Variants in GRM5 observed in about 807,000 individuals in gnomAD.
The protein encoded by GRM5 is metabotropic glutamate receptor 5.
A neutral mutation model predicts 83.1 loss-of-function variants in GRM5; 19 were observed. The observed-to-expected ratio is 0.23, with a 90% CI of 0.16 to 0.34. The LOEUF is 0.34. Among genes scored for constraint, GRM5 ranks in the 10% least tolerant of loss-of-function variants. The pLI, the probability that GRM5 is intolerant of heterozygous loss-of-function variation, is 1.00. For synonymous variants in GRM5, 675 were observed against 633.6 expected (o/e 1.07, Z -0.98); for missense variants, 1,160 against 1,588.3 (o/e 0.73, Z 4.58).
At chr11:88,925,812 G>A in intron 2 of GRM5, 1 of 448,838 alleles carries the variant, frequency 2.2e-6, no homozygotes. Flanking sequence ...TGGAGGCTGA[G>A]GCATGAGAAT....
chr11:88,799,257 T>C (rs1169127794), intron 3 of GRM5, among the ~76,000 whole-genome samples: 1 of 152,136 alleles, frequency 6.6e-6, no homozygotes, highest in Non-Finnish European at 1.5e-5. Context: ...CTAAATAACT[T>C]ACAGCAGAAC....
At chr11:88,527,083 G>T (rs1941896870) in intron 8 of GRM5, among the ~76,000 whole-genome samples, 1 of 152,144 alleles carries the variant, frequency 6.6e-6, no homozygotes, top group Non-Finnish European at 1.5e-5. Flanking sequence ...AAATACCTTA[G>T]AAGTACCAAT....
rs370345715 is a variant in GRM5, at chr11:88,728,680, TCAAGTCGGCTTCATC to T, written c.912-75292_912-75278del. The stretch of plus-strand genomic sequence containing the variant: ...ACATCAAAAAGCTTATCCACCAGTA[TCAAGTCGGCTTCATC>T]CCTGGGATGCAAGGCTGGTTCAACA... On this transcript the variant is annotated intron_variant, in intron 3 of 9. Coordinates refer to ENST00000305447, the MANE Select transcript of GRM5 (RefSeq NM_001143831.3). Among the ~76,000 whole-genome samples, 131 of 152,252 alleles carry T rather than the reference TCAAGTCGGCTTCATC, an allele frequency of 8.6e-4. No homozygotes were observed. In the Middle Eastern group the frequency reaches 0.014, roughly 16 times the overall value.
chr11:88,959,292 C>T (rs1590997782), intron 2 of GRM5, among the ~76,000 whole-genome samples: 1 of 151,990 alleles, frequency 6.6e-6, no homozygotes, highest in Non-Finnish European at 1.5e-5. Context: ...ACTGTGATGT[C>T]ATGTTGAAAT....
intron 2 of GRM5, among the ~76,000 whole-genome samples, chr11:88,860,050 G>A (rs937856363): frequency 1.1e-4 from 16 of 152,114 alleles, no homozygotes; most frequent in Admixed American, 1.1e-3. Flanking sequence ...TTGCTGAAGA[G>A]GGAGAAACTT....
intron 2 of GRM5, among the ~76,000 whole-genome samples, chr11:88,978,474 TAAAAAAAAAAAAAAAAAAAAAAAAAAAA>T (rs200343438): frequency 2.0e-5 from 2 of 97,986 alleles, no homozygotes; most frequent in African/African-American, 7.4e-5. Context: ...CAGATGAGCT[TAAAAAAAAAAAAAAAAAAAAAAAAAAAA>T]AAAAAAAAAA....
Position 89,048,085 on chromosome 11 carries a change from A to C in GRM5, c.-200-13T>G. 1 of 533,846 alleles carries C rather than the reference A, an allele frequency of 1.9e-6. No homozygotes were observed. The highest frequency in any genetic ancestry group is 2.6e-5 in the South Asian group (1 of 37,744). The allele number at this position is 533,846 out of a possible 1,614,324, so 33.1% of individuals were successfully genotyped here. A position where few individuals can be genotyped will look rare whatever the true frequency, so the allele number is the denominator to read the frequency against. On this transcript the variant is annotated splice_polypyrimidine_tract_variant and intron_variant, in intron 1 of 9. Transcript: ENST00000305447. The stretch of plus-strand genomic sequence containing the variant: ...TGATCTTCTAAACCTGAAAAAAAAA[A>C]AATAACATGGGTCTTTAACAAACAT...
At chr11:88,535,460 A>T (rs546597849) in intron 8 of GRM5, among the ~76,000 whole-genome samples, 1 of 152,194 alleles carries the variant, frequency 6.6e-6, no homozygotes, top group Non-Finnish European at 1.5e-5. Flanking sequence ...ACATTTCAAA[A>T]ACTGTGGTCC....
intron 3 of GRM5, among the ~76,000 whole-genome samples, chr11:88,731,298 A>AT (rs1186164876): frequency 1.3e-5 from 2 of 152,074 alleles, no homozygotes; most frequent in African/African-American, 4.8e-5. Context: ...CACAGGCATC[A>AT]TGCTGTTTTG....
chr11:88,707,592 G>C (rs1941192248), intron 3 of GRM5, among the ~76,000 whole-genome samples: 1 of 152,080 alleles, frequency 6.6e-6, no homozygotes, highest in African/African-American at 2.4e-5. Context: ...ATGTGTGTAG[G>C]TTATATGCAA....
intron 2 of GRM5, among the ~76,000 whole-genome samples, chr11:88,989,763 T>C (rs945540040): frequency 8.9e-5 from 13 of 146,026 alleles, no homozygotes; most frequent in Admixed American, 4.8e-4. Flanking sequence ...GAATGACTAC[T>C]GGGTACATAA....
intron 2 of GRM5, among the ~76,000 whole-genome samples, chr11:88,882,322 C>A (rs376764451): frequency 6.7e-6 from 1 of 150,146 alleles, no homozygotes; most frequent in Non-Finnish European, 1.5e-5. Flanking sequence ...GAGGCCAAGG[C>A]GGGTAGATCA....
chr11:88,854,367 A>G (rs1180825080), intron 2 of GRM5, among the ~76,000 whole-genome samples: 3 of 151,938 alleles, frequency 2.0e-5, no homozygotes, highest in Admixed American at 6.6e-5. Flanking sequence ...ATTTCACTTA[A>G]AACATGAACA....
intron 2 of GRM5, among the ~76,000 whole-genome samples, chr11:88,905,406 C>T (rs1323932950): frequency 6.6e-6 from 1 of 152,074 alleles, no homozygotes; most frequent in Non-Finnish European, 1.5e-5. Flanking sequence ...TGCAGTGGTG[C>T]AATTTCAGCT....
intron 2 of GRM5, among the ~76,000 whole-genome samples, chr11:88,865,256 C>G (rs547805316): frequency 6.6e-6 from 1 of 152,190 alleles, no homozygotes; most frequent in Admixed American, 6.5e-5. Flanking sequence ...AATAACACCA[C>G]AAATCTGCAA....
chr11:88,567,793 T>C lies in GRM5; in HGVS notation c.1890A>G (p.Leu630=). The C allele has an allele frequency of 6.2e-7, 1 of 1,614,086 alleles. No homozygotes were observed. Among genetic ancestry groups the C allele is most frequent in the Non-Finnish European group, 8.5e-7 (1 of 1,179,944 alleles). The part of the protein sequence containing the change: ...IILAGICLGY[L]CTFCLIAKPK... ...GCTTCGCAATGAGGCAGAAGGTACA[T>C]AAGTAGCCCAGGCAGATGCCAGCAA... is the stretch of plus-strand genomic sequence containing the variant. Residue 630 remains leucine (L), a synonymous_variant, in exon 8 of 10, where the codon TTA becomes TTG. Transcript: ENST00000305447. The surrounding 1 kb of genome is among the most constrained non-coding windows in gnomAD (Gnocchi z 7.3).
chr11:88,916,175 TAAGA>T (rs1488856947), intron 2 of GRM5, among the ~76,000 whole-genome samples: 1 of 152,146 alleles, frequency 6.6e-6, no homozygotes, highest in African/African-American at 2.4e-5. Context: ...ACTGTCTACA[TAAGA>T]AAGCATCTTC....
At chr11:88,834,129 C>T (rs1944048010) in intron 3 of GRM5, among the ~76,000 whole-genome samples, 1 of 152,034 alleles carries the variant, frequency 6.6e-6, no homozygotes, top group South Asian at 2.1e-4. Context: ...ATGTTCCCAA[C>T]ACATAGAAAT....
intron 3 of GRM5, among the ~76,000 whole-genome samples, chr11:88,840,487 T>C (rs905146191): frequency 3.5e-4 from 54 of 152,276 alleles, no homozygotes; most frequent in African/African-American, 9.4e-4. Context: ...CCTTTTTTTT[T>C]CCCATACCCA....
Sources: gnomAD v4.1 joint callset for allele counts (sites outside exome capture counted in the v4.1 genomes callset) on GRCh38, gnomAD v4.1.1 for gene constraint, Gnocchi (gnomAD v3.1) non-coding constraint, MANE v1.5 for transcripts, NCBI Gene and HGNC (gene_info 2026-07-23, HGNC 2026-07-21) for gene names.